TPD52: variants seen among roughly 807,000 people sequenced by gnomAD.
TPD52 encodes prostate and colon associated protein.
TPD52 carries 17 observed loss-of-function variants against 31.3 expected under a neutral mutation model. The observed-to-expected ratio is 0.54, with a 90% CI of 0.37 to 0.82. TPD52 has a LOEUF of 0.82. TPD52 is among the 40% of genes least tolerant of loss of function. TPD52 has a pLI of 0.00. For synonymous variants in TPD52, 83 were observed against 89.6 expected (o/e 0.93, Z 0.42); for missense variants, 212 against 240.1 (o/e 0.88, Z 0.77).
chr8:80,035,554 T>C lies in TPD52; in HGVS notation c.*2562A>G, dbSNP rs1809841042. ...TTATTTTCCAATACTATACAAAAAATAGACTGTGCATATCTTAACAGATCC... is the reference window on the plus strand; with the variant it reads ...TTATTTTCCAATACTATACAAAAAACAGACTGTGCATATCTTAACAGATCC... On this transcript the variant is annotated 3_prime_UTR_variant, in exon 8 of 8. Coordinates refer to ENST00000518937, the MANE Select transcript of TPD52 (RefSeq NM_001025253.3). The C allele has an allele frequency of 6.6e-6, 1 of 152,236 alleles. No homozygotes were observed. The highest frequency in any genetic ancestry group is 1.9e-4 in the East Asian group (1 of 5,204). 9.4% of individuals were successfully genotyped at this position (152,236 alleles called of 1,614,324 possible).
At chr8:80,092,956 T>C (rs969260975) in intron 1 of TPD52, among the ~76,000 whole-genome samples, 2 of 152,064 alleles carry the variant, frequency 1.3e-5, no homozygotes, top group African/African-American at 4.8e-5. Context: ...ACATTTCAAA[T>C]GGTACAGATG....
At chr8:80,169,488 A>G (rs1424718005) in intron 1 of TPD52, among the ~76,000 whole-genome samples, 1 of 152,212 alleles carries the variant, frequency 6.6e-6, no homozygotes, top group East Asian at 1.9e-4. Context: ...GTCCTATAAA[A>G]ACTACACAAG....
intron 1 of TPD52, among the ~76,000 whole-genome samples, chr8:80,104,145 G>C (rs1351724991): frequency 1.4e-5 from 2 of 140,796 alleles, no homozygotes; most frequent in Non-Finnish European, 3.2e-5. Flanking sequence ...TGGATCTCTA[G>C]AGCTGTCCAG....
intron 1 of TPD52, among the ~76,000 whole-genome samples, chr8:80,170,041 G>T (rs916560747): frequency 1.1e-4 from 17 of 152,324 alleles, no homozygotes; most frequent in Non-Finnish European, 2.4e-4. Flanking sequence ...GTAAGCACTT[G>T]TGTTAAGTCT....
intron 1 of TPD52, among the ~76,000 whole-genome samples, chr8:80,075,406 A>C (rs1814421623): frequency 6.6e-6 from 1 of 152,236 alleles, no homozygotes; most frequent in Non-Finnish European, 1.5e-5. Flanking sequence ...CTCTGAAAGC[A>C]GGACCCTGAA....
chr8:80,119,349 T>C (rs111990733), intron 1 of TPD52, among the ~76,000 whole-genome samples: 100 of 152,306 alleles, frequency 6.6e-4, no homozygotes, highest in African/African-American at 2.3e-3. Flanking sequence ...GTAAATGTTG[T>C]ACAAGTATCT....
At chr8:80,071,415 C>A (rs1243028521) in intron 1 of TPD52, among the ~76,000 whole-genome samples, 1 of 152,128 alleles carries the variant, frequency 6.6e-6, no homozygotes, top group African/African-American at 2.4e-5. Context: ...GCTTCTCTCT[C>A]CTTTCGTCCT....
At chr8:80,052,701 T>C in intron 3 of TPD52, 7 of 1,287,114 alleles carry the variant, frequency 5.4e-6, no homozygotes, top group Non-Finnish European at 7.1e-6. Context: ...AAAACTGCAT[T>C]ATGATAATGC....
intron 1 of TPD52, among the ~76,000 whole-genome samples, chr8:80,115,165 C>T (rs544077799): frequency 7.7e-4 from 117 of 152,174 alleles, no homozygotes; most frequent in Non-Finnish European, 1.5e-3. Flanking sequence ...GCCCTACATT[C>T]AACCACTTAG....
At chr8:80,127,625 G>A (rs1808707329) in intron 1 of TPD52, 1 of 152,074 alleles carries the variant, frequency 6.6e-6, no homozygotes, top group African/African-American at 2.4e-5. Flanking sequence ...CCATTTAATG[G>A]AGCACTGCCA....
intron 1 of TPD52, among the ~76,000 whole-genome samples, chr8:80,130,796 A>G (rs77051720): frequency 0.021 from 3,259 of 152,284 alleles, 123 homozygotes; most frequent in African/African-American, 0.075. Flanking sequence ...AGAGTCTTCA[A>G]TGCACTACAA....
chr8:80,092,823 C>T (rs1371827471), intron 1 of TPD52, among the ~76,000 whole-genome samples: 1 of 150,004 alleles, frequency 6.7e-6, no homozygotes, highest in Admixed American at 6.7e-5. Context: ...GATTGTCACT[C>T]ACACTTTAAA....
intron 7 of TPD52, among the ~76,000 whole-genome samples, chr8:80,041,134 G>A (rs964190152): frequency 1.4e-4 from 21 of 152,164 alleles, no homozygotes; most frequent in Non-Finnish European, 7.3e-5. Flanking sequence ...ACACCAAGGC[G>A]CCTGTCAGGG....
chr8:80,114,028 T>G (rs541666199), intron 1 of TPD52, among the ~76,000 whole-genome samples: 2 of 152,288 alleles, frequency 1.3e-5, no homozygotes, highest in Admixed American at 6.5e-5. Flanking sequence ...GCAGATCACT[T>G]GAGGCCAGGA....
chr8:80,167,054 G>A (rs187203156), intron 1 of TPD52, among the ~76,000 whole-genome samples: 461 of 152,140 alleles, frequency 3.0e-3, no homozygotes, highest in Non-Finnish European at 4.8e-3. Context: ...TTCTAAAATA[G>A]ACAACTATTC....
At chr8:80,086,203 C>T (rs187635670) in intron 1 of TPD52, among the ~76,000 whole-genome samples, 1 of 149,330 alleles carries the variant, frequency 6.7e-6, no homozygotes, top group African/African-American at 2.5e-5. Flanking sequence ...CCACAACCTC[C>T]GCCTCCCCGG....
chr8:80,053,546 T>G, intron 2 of TPD52, 116 bp from the exon 3 acceptor site: 1 of 1,114,612 alleles, frequency 9.0e-7, no homozygotes, highest in Non-Finnish European at 1.3e-6. Flanking sequence ...GAATCATTTA[T>G]CTTTCTCTCT....
chr8:80,143,503 GAGCTAATTATACAC>G (rs1809981290), intron 1 of TPD52, among the ~76,000 whole-genome samples: 2 of 152,260 alleles, frequency 1.3e-5, no homozygotes, highest in East Asian at 3.9e-4. Flanking sequence ...CACCCACAGT[GAGCTAATTATACAC>G]AGCACCACCC....
intron 1 of TPD52, among the ~76,000 whole-genome samples, chr8:80,076,838 A>G (rs971697766): frequency 1.3e-5 from 2 of 152,082 alleles, no homozygotes; most frequent in African/African-American, 2.4e-5. Flanking sequence ...TGCCCGATTA[A>G]TTCTTTTACT....
Sources: gnomAD v4.1 joint callset for allele counts (sites outside exome capture counted in the v4.1 genomes callset) on GRCh38, gnomAD v4.1.1 for gene constraint, MANE v1.5 for transcripts, NCBI Gene and HGNC (gene_info 2026-07-23, HGNC 2026-07-21) for gene names.